The following SCN4A variants were observed in gnomAD, a reference collection of about 807,000 sequenced individuals.
SCN4A encodes the protein sodium voltage-gated channel alpha subunit 4, also known as sodium channel protein type 4 subunit alpha.
SCN4A carries 83 observed loss-of-function variants against 162.0 expected under a neutral mutation model. The observed-to-expected ratio is 0.51, with a 90% CI of 0.43 to 0.61. The LOEUF is 0.61. Ranked by LOEUF, SCN4A falls within the 20% of genes least tolerant of loss-of-function variation. The pLI, the probability that SCN4A is intolerant of heterozygous loss-of-function variation, is 0.00. For missense variants in SCN4A, 2,196 were observed against 2,462.5 expected, an observed-to-expected ratio of 0.89 and a Z score of 2.29; for synonymous variants, 944 against 985.1, an observed-to-expected ratio of 0.96 and a Z score of 0.78.
rs867372759 is a variant in SCN4A, at chr17:63,951,566, G to A, written c.2711C>T (p.Pro904Leu). 6.2e-7 allele frequency: 1 copy of A among 1,613,882 alleles called. No homozygotes were observed. The highest frequency in any genetic ancestry group is 8.5e-7 in the Non-Finnish European group (1 of 1,179,786). ...AAGGTGGTCCAGCTCGAGGCTGGAT[G>A]GGGGGCCGTCAGCCAGGCCCATGTG... ...LNHMGLADGP[P>L]SSLELDHLNF... is the part of the protein sequence containing the mutation. Residue 904 changes from proline to leucine, a missense_variant, in exon 14 of 24, where the codon CCA (proline) becomes CTA (leucine). Coordinates refer to ENST00000435607, the MANE Select transcript of SCN4A (RefSeq NM_000334.4). The surrounding 1 kb of genome is among the most constrained non-coding windows in gnomAD (Gnocchi z 4.5).
chr17:63,945,704 C>A lies in SCN4A; in HGVS notation c.3442-66G>T. The A allele has an allele frequency of 6.4e-7, 1 of 1,555,606 alleles. No individual in the cohort carries two copies. On this transcript the variant is annotated intron_variant, in intron 18 of 23. Coordinates refer to ENST00000435607, the MANE Select transcript of SCN4A (RefSeq NM_000334.4). This position sits in a 1 kb window ranked among gnomAD's most constrained non-coding sequence, Gnocchi z 4.4. The stretch of plus-strand genomic sequence containing the variant: ...TCTGAGAGAGGGCTCCACATCTCTA[C>A]GCCACCCAGGGGACCAGGCAGAGCT...
rs764888191 is a variant in SCN4A, at chr17:63,957,546, T to C, written c.2020-28A>G. ...GCCAAGCAGGGAGGGCAAGGGTGAA[T>C]GAGGCCCAGGGACCACCACCCAAGG... On this transcript the variant is annotated intron_variant, in intron 12 of 23. Transcript: ENST00000435607. 4 of 1,547,570 alleles carry C rather than the reference T, an allele frequency of 2.6e-6. No homozygotes were observed. In the East Asian group the frequency reaches 9.1e-5, roughly 35 times the overall value.
Position 63,968,327 on chromosome 17 carries a change from G to C in SCN4A, c.732C>G (p.Ile244Met), listed in dbSNP as rs1426984362. The C allele has an allele frequency of 1.2e-6, 2 of 1,606,508 alleles. No homozygotes were observed. Among genetic ancestry groups the C allele is most frequent in the Non-Finnish European group, 1.7e-6 (2 of 1,174,480 alleles). Reference sequence around the variant, plus strand: ...CATCCGACAGCTTTTTCACCGACTGGATCAGGGCCCCCACGATCGTCTTCA... The same window carrying C: ...CATCCGACAGCTTTTTCACCGACTGCATCAGGGCCCCCACGATCGTCTTCA... ...PGLKTIVGAL[I>M]QSVKKLSDVM... The change falls in exon 6 of 24, where the codon ATC (isoleucine) becomes ATG (methionine). Residue 244 changes from isoleucine to methionine, a missense_variant. Physicochemically the swap from Ile to Met is conservative, Grantham distance 10. Coordinates refer to ENST00000435607, the MANE Select transcript of SCN4A (RefSeq NM_000334.4).
In SCN4A at chr17:63,945,892, G is replaced by A. The variant is rs1033885807; in HGVS notation, c.3442-254C>T. ...CCATCAGCCCAGAGTAGGGGTGCTG[G>A]GTTTCTCTGGAAGCAGCCTGGTCAC... On this transcript the variant is annotated intron_variant, in intron 18 of 23. Coordinates refer to ENST00000435607, the MANE Select transcript of SCN4A (RefSeq NM_000334.4). The surrounding 1 kb of genome is among the most constrained non-coding windows in gnomAD (Gnocchi z 4.4). 6.6e-6 allele frequency among the ~76,000 whole-genome samples: 1 copy of A among 152,024 alleles called. No individual in the cohort carries two copies. The highest frequency in any genetic ancestry group is 1.5e-5 in the Non-Finnish European group (1 of 67,988).
chr17:63,957,775 G>A (rs560729153), intron 12 of SCN4A, among the ~76,000 whole-genome samples: 4 of 151,402 alleles, frequency 2.6e-5, no homozygotes, highest in South Asian at 4.2e-4. Context: ...AAGCCGAGGC[G>A]GGTGGATCAC....
In SCN4A at chr17:63,972,819, G is replaced by A. The variant is rs1909660210; in HGVS notation, c.23C>T (p.Thr8Ile). Reference protein sequence around the residue: MARPSLCTLVPLGPECLR... With the variant: MARPSLCILVPLGPECLR... ...GCACTCAGGGCCCAGAGGCACCAGG[G>A]TGCACAGAGATGGTCTGGCCATCCT... is the stretch of plus-strand genomic sequence containing the variant. Residue 8 changes from threonine to isoleucine, a missense_variant, in exon 1 of 24, where the codon ACC (threonine) becomes ATC (isoleucine). Physicochemically the swap from Thr to Ile is moderately conservative, Grantham distance 89. Coordinates refer to ENST00000435607, the MANE Select transcript of SCN4A (RefSeq NM_000334.4). This position sits in a 1 kb window ranked among gnomAD's most constrained non-coding sequence, Gnocchi z 4.3. 3 of 1,612,768 alleles carry A rather than the reference G, an allele frequency of 1.9e-6. No homozygotes were observed. The highest frequency in any genetic ancestry group is 2.5e-6 in the Non-Finnish European group (3 of 1,179,324).
chr17:63,961,773 A>G (rs1213174836), intron 10 of SCN4A: 2 of 282,160 alleles, frequency 7.1e-6, no homozygotes, highest in Non-Finnish European at 1.3e-5. Flanking sequence ...TCCGCCCTCT[A>G]CTTCAAGTTC....
rs748132446 is a variant in SCN4A at position 63,940,740 on chromosome 17, G to A, written c.*31C>T. On this transcript the variant is annotated 3_prime_UTR_variant, in exon 24 of 24. Coordinates refer to ENST00000435607, the MANE Select transcript of SCN4A (RefSeq NM_000334.4). ...ACGGGGGAGCTCTGGGGACTATGCC[G>A]AGACTCAGTGGGCCACCCCGATGCT... 1.5e-5 allele frequency: 23 copies of A among 1,530,230 alleles called. No individual in the cohort carries two copies. The highest frequency in any genetic ancestry group is 2.8e-5 in the African/African-American group (2 of 72,018). 94.8% of individuals were successfully genotyped at this position (1,530,230 alleles called of 1,614,324 possible). A position where few individuals can be genotyped will look rare whatever the true frequency, so the allele number is the denominator to read the frequency against.
Position 63,940,972 on chromosome 17 carries a change from C to A in SCN4A, c.5310G>T (p.Gly1770=), listed in dbSNP as rs1349039203. ...TCTTGCTCATGGTGTTGGCAAGCAG[C>A]CCCTCCTTCTCAGGGGCGTCATCCC... ...GSGDDAPEKE[G]LLANTMSKMY... The change falls in exon 24 of 24, where the codon GGG becomes GGT. Residue 1770 remains glycine, a synonymous_variant. Coordinates refer to ENST00000435607, the MANE Select transcript of SCN4A (RefSeq NM_000334.4). 18 of 1,613,208 alleles carry A rather than the reference C, an allele frequency of 1.1e-5. No homozygotes were observed. The highest frequency in any genetic ancestry group is 1.4e-5 in the Non-Finnish European group (16 of 1,179,296).
intron 13 of SCN4A, among the ~76,000 whole-genome samples, chr17:63,955,654 A>C (rs1909050846): frequency 6.6e-6 from 1 of 152,154 alleles, no homozygotes; most frequent in South Asian, 2.1e-4. Flanking sequence ...CCTTAGACTT[A>C]CATCAACAAA....
At chr17:63,966,337 C>A in intron 7 of SCN4A, 94 bp from the exon 8 acceptor site, 1 of 1,439,240 alleles carries the variant, frequency 6.9e-7, no homozygotes. Context: ...GTCAGTTCTG[C>A]CTGTGTCCCC....
At position 63,950,580 on chromosome 17, in the gene SCN4A, G is replaced by T. The variant is rs900151803; in HGVS notation, c.2853+844C>A. Among the ~76,000 whole-genome samples the T allele has an allele frequency of 2.0e-5, 3 of 152,150 alleles. No homozygotes were observed. The highest frequency in any genetic ancestry group is 2.1e-4 in the South Asian group (1 of 4,834). On this transcript the variant is annotated intron_variant, in intron 14 of 23. Transcript: ENST00000435607. This position sits in a 1 kb window ranked among gnomAD's most constrained non-coding sequence, Gnocchi z 4.6. ...CGCTTCCTGGTAAGCCAGCATATTT[G>T]GGGGGAATAAGGAGTCAAAAGCTTT...
Position 63,944,886 on chromosome 17 carries a change from G to T in SCN4A, c.3775-76C>A, listed in dbSNP as rs2144778640. 4 of 1,596,968 alleles carry T rather than the reference G, an allele frequency of 2.5e-6. No individual in the cohort carries two copies. The highest frequency in any genetic ancestry group is 3.4e-6 in the Non-Finnish European group (4 of 1,170,268). ...CTGCCCCCCACAGCCCTGAGGGCAG[G>T]ACCCATCCACCCCCAGGGCTGCCAA... On this transcript the variant is annotated intron_variant, in intron 20 of 23. Coordinates refer to ENST00000435607, the MANE Select transcript of SCN4A (RefSeq NM_000334.4). The surrounding 1 kb of genome is among the most constrained non-coding windows in gnomAD (Gnocchi z 4.3).
rs1298309863 is a variant in SCN4A at position 63,939,942 on chromosome 17, T to C, written c.*829A>G. Reference sequence around the variant, plus strand: ...TCCCTGACTCCCGCTCAGGTCTGGATGCTCAGGCCATGTGCAGCGATCCAG... The same window carrying C: ...TCCCTGACTCCCGCTCAGGTCTGGACGCTCAGGCCATGTGCAGCGATCCAG... On this transcript the variant is annotated 3_prime_UTR_variant, in exon 24 of 24. Transcript: ENST00000435607. 2.6e-5 allele frequency: 4 copies of C among 152,190 alleles called. No homozygotes were observed. The highest frequency in any genetic ancestry group is 9.7e-5 in the African/African-American group (4 of 41,426). 9.4% of individuals were successfully genotyped at this position (152,190 alleles called of 1,614,324 possible).
In SCN4A at chr17:63,968,141, C is replaced by T. The variant is rs759347899; in HGVS notation, c.918G>A (p.Trp306Ter). The T allele has an allele frequency of 1.9e-6, 3 of 1,613,784 alleles. No individual in the cohort carries two copies. Among genetic ancestry groups the T allele is most frequent in the South Asian group, 2.2e-5 (2 of 91,076 alleles). The change falls in exon 6 of 24, where the codon TGG becomes TGA. Residue 306 changes from tryptophan (W) to a stop codon, truncating the protein, a stop_gained. Coordinates refer to ENST00000435607, the MANE Select transcript of SCN4A (RefSeq NM_000334.4). LOFTEE classifies it high-confidence loss of function. ...TGCCGTACCACATCTCATTGCCATACCATGTGTCATTGCCGTACCACGTGT... is the reference window on the plus strand; with the variant it reads ...TGCCGTACCACATCTCATTGCCATATCATGTGTCATTGCCGTACCACGTGT... The part of the protein sequence containing the change: ...SNDTWYGNDT[W>*]YGNEMWYGND...
chr17:63,950,637 G>A lies in SCN4A; in HGVS notation c.2853+787C>T, dbSNP rs1051769814. ...AAAGTTCATTAGGCTCAGGCTGATG[G>A]TGCAGGGGTGGGCAGGGGCCCTCGT... On this transcript the variant is annotated intron_variant, in intron 14 of 23. Coordinates refer to ENST00000435607, the MANE Select transcript of SCN4A (RefSeq NM_000334.4). The surrounding 1 kb of genome is among the most constrained non-coding windows in gnomAD (Gnocchi z 4.6). Among the ~76,000 whole-genome samples the A allele has an allele frequency of 2.6e-5, 4 of 152,330 alleles. No individual in the cohort carries two copies. Among genetic ancestry groups the A allele is most frequent in the African/African-American group, 9.6e-5 (4 of 41,576 alleles).
In SCN4A at chr17:63,968,396, C is replaced by A. The variant is rs1202831999; in HGVS notation, c.704-41G>T. 4 of 1,533,922 alleles carry A rather than the reference C, an allele frequency of 2.6e-6. No individual in the cohort carries two copies. The African/African-American group carries it at 5.5e-5, about 21-fold the overall frequency. On this transcript the variant is annotated intron_variant, in intron 5 of 23. Coordinates refer to ENST00000435607, the MANE Select transcript of SCN4A (RefSeq NM_000334.4). The stretch of plus-strand genomic sequence containing the variant: ...GCAAGGATATTGGCAGGGGGCAGGG[C>A]AGGGTGATAACAGAGCCCCCGCGGC...
At chr17:63,968,441 C>T (rs1909523421) in intron 5 of SCN4A, 86 bp from the exon 6 acceptor site, 1 of 1,078,624 alleles carries the variant, frequency 9.3e-7, no homozygotes, top group Admixed American at 2.3e-5. Context: ...CAAGCTTTTT[C>T]CTACTCCATC....
At chr17:63,964,376 C>T (rs1909365093) in intron 9 of SCN4A, 92 bp downstream of exon 9, 2 of 1,160,132 alleles carry the variant, frequency 1.7e-6, no homozygotes, top group Non-Finnish European at 2.5e-6. Context: ...TACCCTCCCT[C>T]ACCCTCGGCC....
Sources: gnomAD v4.1 joint callset for allele counts (sites outside exome capture counted in the v4.1 genomes callset) on GRCh38, gnomAD v4.1.1 for gene constraint, Gnocchi (gnomAD v3.1) non-coding constraint, MANE v1.5 for transcripts, NCBI Gene and HGNC (gene_info 2026-07-23, HGNC 2026-07-21) for gene names.